TNRC6B: variants seen among roughly 807,000 people sequenced by gnomAD.
TNRC6B encodes trinucleotide repeat containing adaptor 6B, also known as trinucleotide repeat-containing gene 6B protein.
In TNRC6B, 52 loss-of-function variants were observed where a neutral mutation model predicts 203.6. The ratio of observed to expected loss-of-function variants is 0.26; its 90% CI spans 0.20 to 0.32. The LOEUF is 0.32. TNRC6B is among the 10% of genes least tolerant of loss of function. The probability of loss-of-function intolerance (pLI) is 1.00; values close to 1 mark genes in which losing one functional copy is unlikely to be tolerated. For synonymous variants in TNRC6B, 838 were observed against 845.7 expected (o/e 0.99, Z 0.16); for missense variants, 1,923 against 2,286.2 (o/e 0.84, Z 3.24).
chr22:40,259,792 G>A lies in TNRC6B; in HGVS notation c.116-2040G>A, dbSNP rs561281943. On this transcript the variant is annotated intron_variant, in intron 3 of 22. Transcript: ENST00000454349. ...AAGGAGCCAGTTCAGCAAGCAACATGCTGGCCCCGCATCATTTTAGCAGTC... is the reference window on the plus strand; with the variant it reads ...AAGGAGCCAGTTCAGCAAGCAACATACTGGCCCCGCATCATTTTAGCAGTC... 2.6e-5 allele frequency among the ~76,000 whole-genome samples: 4 copies of A among 152,310 alleles called. No homozygotes were observed. The South Asian group carries it at 6.2e-4, about 24-fold the overall frequency.
At chr22:40,173,794 T>TATATATATATATATA (rs201025367), upstream of TNRC6B, among the ~76,000 whole-genome samples, 18 of 31,406 alleles carry the variant, frequency 5.7e-4, no homozygotes, top group South Asian at 2.1e-3. Context: ...TATATATATA[T>TATATATATATATATA]TTTTTTTTTT....
chr22:40,141,976 G>T (rs990899349), intron 3 of TNRC6B, among the ~76,000 whole-genome samples: 1 of 151,584 alleles, frequency 6.6e-6, no homozygotes, highest in Non-Finnish European at 1.5e-5. Context: ...TAGCCAGGAT[G>T]GTCTTGATCT....
intron 1 of TNRC6B, among the ~76,000 whole-genome samples, chr22:40,113,073 C>T (rs1442037588): frequency 6.6e-6 from 1 of 152,150 alleles, no homozygotes; most frequent in Non-Finnish European, 1.5e-5. Context: ...CGTCACTGCA[C>T]TCCAGCCTGG....
intron 4 of TNRC6B, among the ~76,000 whole-genome samples, chr22:40,170,355 ATG>A (rs1385611237): frequency 4.2e-5 from 3 of 71,594 alleles, no homozygotes; most frequent in African/African-American, 1.4e-4. Context: ...TATATATATT[ATG>A]TATATAGTTT....
chr22:40,059,037 G>A (rs143720267), intron 1 of TNRC6B, among the ~76,000 whole-genome samples: 31 of 152,114 alleles, frequency 2.0e-4, no homozygotes, highest in Non-Finnish European at 3.7e-4. Context: ...AGCCAAGTTC[G>A]TTTACTGCTC....
chr22:40,108,180 C>G (rs765243299), intron 1 of TNRC6B, among the ~76,000 whole-genome samples: 18 of 152,162 alleles, frequency 1.2e-4, no homozygotes, highest in Non-Finnish European at 2.9e-5. Context: ...AGCTTCTCTT[C>G]TAGCAGGAGA....
Position 40,280,095 on chromosome 22 carries a change from T to C in TNRC6B, c.3363T>C (p.Pro1121=), listed in dbSNP as rs748684275. 1 of 1,613,952 alleles carries C rather than the reference T, an allele frequency of 6.2e-7. No individual in the cohort carries two copies. Among genetic ancestry groups the C allele is most frequent in the South Asian group, 1.1e-5 (1 of 91,082 alleles). The change falls in exon 10 of 23, where the codon CCT becomes CCC. Residue 1121 remains proline (P), a synonymous_variant. Transcript: ENST00000454349. The stretch of plus-strand genomic sequence containing the variant: ...AGGATCGATCTGGGTTCCGTCCACC[T>C]AATTCCAAAGACATGGGAACCACAG... ...MRKDRSGFRP[P]NSKDMGTTDS... is the part of the protein sequence containing the mutation.
intron 1 of TNRC6B, among the ~76,000 whole-genome samples, chr22:40,229,947 C>T (rs138048): frequency 0.32 from 48,810 of 152,052 alleles, 9,598 homozygotes; most frequent in East Asian, 0.57. Context: ...GTTGGACATA[C>T]GCTTTCTTTT....
chr22:40,322,152 A>G (rs1250220897), intron 22 of TNRC6B, among the ~76,000 whole-genome samples: 3 of 152,198 alleles, frequency 2.0e-5, no homozygotes, highest in Non-Finnish European at 4.4e-5. Context: ...CATAACTCAC[A>G]TGGGGAAAGA....
chr22:40,114,475 C>T (rs2068369624), intron 1 of TNRC6B, among the ~76,000 whole-genome samples: 1 of 152,136 alleles, frequency 6.6e-6, no homozygotes, highest in Non-Finnish European at 1.5e-5. Flanking sequence ...CACATGCCAC[C>T]ATGCCCCGTT....
At chr22:40,230,127 G>T (rs1266535192) in intron 1 of TNRC6B, among the ~76,000 whole-genome samples, 1 of 151,980 alleles carries the variant, frequency 6.6e-6, no homozygotes, top group Non-Finnish European at 1.5e-5. Context: ...TTTTAATTTT[G>T]CACATTCTAC....
intron 1 of TNRC6B, among the ~76,000 whole-genome samples, chr22:40,045,837 G>A (rs2067683317): frequency 6.6e-6 from 1 of 152,190 alleles, no homozygotes; most frequent in South Asian, 2.1e-4. Context: ...TTAAGGACCA[G>A]CTTATTCTGA....
chr22:40,169,698 C>G (rs2068953305), intron 4 of TNRC6B, among the ~76,000 whole-genome samples: 1 of 152,094 alleles, frequency 6.6e-6, no homozygotes, highest in African/African-American at 2.4e-5. Flanking sequence ...GGAAGAGCTT[C>G]TAGAAATACA....
At chr22:40,242,413 G>C (rs976844297) in intron 1 of TNRC6B, among the ~76,000 whole-genome samples, 1 of 151,700 alleles carries the variant, frequency 6.6e-6, no homozygotes, top group Non-Finnish European at 1.5e-5. Flanking sequence ...AAACATGGCT[G>C]TCATTATTCT....
intron 1 of TNRC6B, among the ~76,000 whole-genome samples, chr22:40,085,348 A>G (rs758775301): frequency 1.3e-5 from 2 of 152,206 alleles, no homozygotes; most frequent in Non-Finnish European, 2.9e-5. Context: ...AAATTCAGAG[A>G]CTTTAAAAAT....
In TNRC6B at chr22:40,270,119, T is replaced by C; in HGVS notation, c.2807-3T>C. 5 of 1,581,108 alleles carry C rather than the reference T, an allele frequency of 3.2e-6. No homozygotes were observed. The highest frequency in any genetic ancestry group is 3.4e-6 in the Non-Finnish European group (4 of 1,162,542). Reference sequence around the variant, plus strand: ...TTCTTAGAGACATTTCCTTTCTTTATAGTCTGGAGCAAAAGCACACCACCT... The same window carrying C: ...TTCTTAGAGACATTTCCTTTCTTTACAGTCTGGAGCAAAAGCACACCACCT... On this transcript the variant is annotated splice_polypyrimidine_tract_variant and splice_region_variant and intron_variant, in intron 5 of 22. Transcript: ENST00000454349.
At chr22:40,239,486 G>A (rs1367340992) in intron 1 of TNRC6B, among the ~76,000 whole-genome samples, 1 of 152,210 alleles carries the variant, frequency 6.6e-6, no homozygotes, top group Non-Finnish European at 1.5e-5. Flanking sequence ...TAGAGTTGGA[G>A]TTACTGGGGA....
intron 4 of TNRC6B, among the ~76,000 whole-genome samples, chr22:40,166,499 G>A (rs1308325773): frequency 6.6e-6 from 1 of 151,336 alleles, no homozygotes; most frequent in Non-Finnish European, 1.5e-5. Flanking sequence ...TCTAAAATAG[G>A]TAAATAATTC....
Position 40,333,880 on chromosome 22 carries a change from T to G in TNRC6B, c.*10639T>G, listed in dbSNP as rs1409298336. ...TTGGAATGGATCATTTTGAATTGCT[T>G]CTTTGCAGACACCCCCTTCGCCCCC... On this transcript the variant is annotated 3_prime_UTR_variant, in exon 23 of 23. Transcript: ENST00000454349. The G allele has an allele frequency of 6.5e-6, 1 of 152,672 alleles. No homozygotes were observed. The highest frequency in any genetic ancestry group is 2.1e-4 in the South Asian group (1 of 4,832). The allele number at this position is 152,672 out of a possible 1,614,324, so 9.5% of individuals were successfully genotyped here. A position where few individuals can be genotyped will look rare whatever the true frequency, so the allele number is the denominator to read the frequency against.
Sources: gnomAD v4.1 joint callset for allele counts (sites outside exome capture counted in the v4.1 genomes callset) on GRCh38, gnomAD v4.1.1 for gene constraint, MANE v1.5 for transcripts, NCBI Gene and HGNC (gene_info 2026-07-23, HGNC 2026-07-21) for gene names.